The following LAMB4 variants were observed in gnomAD, a reference collection of about 807,000 sequenced individuals.
LAMB4 encodes the protein laminin subunit beta 4.
LAMB4 carries 196 observed loss-of-function variants against 199.2 expected under a neutral mutation model. The ratio of observed to expected loss-of-function variants is 0.98; its 90% CI spans 0.88 to 1.11. The LOEUF (loss-of-function observed/expected upper bound fraction) is 1.11. LAMB4 is among the 50% of genes least tolerant of loss of function. The pLI is 0.00. For synonymous variants in LAMB4, 744 were observed against 770.6 expected, an observed-to-expected ratio of 0.97 and a Z score of 0.57; for missense variants, 2,080 against 2,171.2, an observed-to-expected ratio of 0.96 and a Z score of 0.83.
chr7:108,072,532 A>G (rs1225239415), intron 17 of LAMB4, among the ~76,000 whole-genome samples: 1 of 152,172 alleles, frequency 6.6e-6, no homozygotes, highest in Non-Finnish European at 1.5e-5. Context: ...TAAAAGTTAA[A>G]AAAGGGGGCA....
chr7:108,017,080 CTG>C, the LAMB4 span, among the ~76,000 whole-genome samples: 24,487 of 152,112 alleles, frequency 0.16, 2,324 homozygotes, highest in East Asian at 0.27. Context: ...GAAGAAAACA[CTG>C]TATCTCTGCT....
At chr7:108,032,267 G>A (rs943078898) in intron 31 of LAMB4, among the ~76,000 whole-genome samples, 5 of 152,194 alleles carry the variant, frequency 3.3e-5, no homozygotes, top group African/African-American at 9.6e-5. Context: ...GTACGCACCT[G>A]TAATCCCAGC....
intron 29 of LAMB4, among the ~76,000 whole-genome samples, chr7:108,043,039 C>A (rs2035478414): frequency 6.8e-6 from 1 of 146,810 alleles, no homozygotes; most frequent in African/African-American, 2.5e-5. Context: ...TTTTTTTAAT[C>A]TTTACTAATT....
intron 6 of LAMB4, among the ~76,000 whole-genome samples, chr7:108,107,074 A>C (rs954936000): frequency 1.3e-5 from 2 of 152,210 alleles, no homozygotes; most frequent in African/African-American, 2.4e-5. Flanking sequence ...AAGAGTGCTT[A>C]TGCTGGGTTG....
At chr7:108,037,645 T>C in intron 29 of LAMB4, 50 bp from the exon 30 acceptor site, 5 of 1,382,352 alleles carry the variant, frequency 3.6e-6, no homozygotes, top group Non-Finnish European at 5.1e-6. Context: ...TAACAAACAC[T>C]GTATCTTAAA....
At chr7:108,039,879 A>T (rs1265371276) in intron 29 of LAMB4, among the ~76,000 whole-genome samples, 1 of 152,092 alleles carries the variant, frequency 6.6e-6, no homozygotes, top group East Asian at 1.9e-4. Flanking sequence ...CTCTCTTACC[A>T]CTCCTGTTCA....
chr7:108,069,657 C>T, intron 18 of LAMB4, 51 bp downstream of exon 18: 2 of 1,530,318 alleles, frequency 1.3e-6, no homozygotes, highest in Non-Finnish European at 8.9e-7. Flanking sequence ...CTCCAAAAAG[C>T]ATTTGTATGG....
chr7:108,092,855 G>A (rs559157633), intron 12 of LAMB4, among the ~76,000 whole-genome samples: 1 of 152,088 alleles, frequency 6.6e-6, no homozygotes, highest in African/African-American at 2.4e-5. Context: ...AGTGAGCTGA[G>A]ATCGTGCCAC....
In LAMB4 at chr7:108,055,705, C is replaced by G. The variant is rs184588441; in HGVS notation, c.3682G>C (p.Glu1228Gln). ...KDLRGNVSEI[E>Q]RILKHPVFPS... ...AAAACAGGATGTTTCAAAATCCTTT[C>G]TATTTCAGACACGTTCCCTCTGAGG... The change falls in exon 25 of 34, where the codon GAA (glutamate) becomes CAA (glutamine). Residue 1228 changes from glutamate to glutamine, a missense_variant. Glu to Gln is a conservative substitution (Grantham distance 29). Transcript: ENST00000388781. 9.9e-6 allele frequency: 16 copies of G among 1,614,084 alleles called. 1 individual carries two copies. The East Asian group carries it at 3.3e-4, about 34-fold the overall frequency.
chr7:108,095,987 G>A (rs146313903), intron 11 of LAMB4, among the ~76,000 whole-genome samples: 67 of 152,300 alleles, frequency 4.4e-4, no homozygotes, highest in African/African-American at 1.5e-3. Context: ...AATAAAGACC[G>A]ATGTAATCTG....
chr7:108,097,924 T>G (rs1489478860), intron 11 of LAMB4, among the ~76,000 whole-genome samples: 1 of 152,208 alleles, frequency 6.6e-6, no homozygotes, highest in Non-Finnish European at 1.5e-5. Flanking sequence ...CTGCTGGTCC[T>G]TTATGATAAA....
chr7:108,052,183 C>T lies in LAMB4; in HGVS notation c.3830G>A (p.Arg1277Lys). Residue 1277 changes from arginine to lysine, a missense_variant, in exon 26 of 34, where the codon AGA becomes AAA. By Grantham distance (26) the Arg-to-Lys change is conservative. Coordinates refer to ENST00000388781, the MANE Select transcript of LAMB4 (RefSeq NM_007356.3). ...TAAGAGGTCTGCTTCATTCTTTGCTCTTTCTATTGTATCTTTCAGATCTTG... is the reference window on the plus strand; with the variant it reads ...TAAGAGGTCTGCTTCATTCTTTGCTTTTTCTATTGTATCTTTCAGATCTTG... ...EFQDLKDTIE[R>K]AKNEADLLLE... 4 of 1,612,412 alleles carry T rather than the reference C, an allele frequency of 2.5e-6. No homozygotes were observed. The highest frequency in any genetic ancestry group is 3.4e-6 in the Non-Finnish European group (4 of 1,179,174).
At position 108,065,893 on chromosome 7, in the gene LAMB4, G is replaced by A. The variant is rs768639875; in HGVS notation, c.2705C>T (p.Pro902Leu). 28 of 1,613,788 alleles carry A rather than the reference G, an allele frequency of 1.7e-5. No homozygotes were observed. The highest frequency in any genetic ancestry group is 2.3e-5 in the Non-Finnish European group (27 of 1,179,966). ...ERCIDGYYGN[P>L]SSGQPCRPCL... The stretch of plus-strand genomic sequence containing the variant: ...AGGACGACAGGGCTGTCCTGAAGAA[G>A]GATTTCCATAGTAACCATCAATACA... Residue 902 changes from proline (P) to leucine (L), a missense_variant, in exon 21 of 34, where the codon CCT (proline) becomes CTT (leucine). Transcript: ENST00000388781.
chr7:108,056,082 T>C (rs765679566), intron 24 of LAMB4, 75 bp from the exon 25 acceptor site: 36 of 1,382,516 alleles, frequency 2.6e-5, no homozygotes, highest in Admixed American at 4.5e-5. Context: ...ATCAGGTCTT[T>C]TCCTCTCTCC....
Position 108,104,549 on chromosome 7 carries a change from T to G in LAMB4, c.941A>C (p.Gln314Pro). ...PNCERCKDFF[Q>P]DAPWRPAADL... Reference sequence around the variant, plus strand: ...TGCAGCTGGCCTCCAAGGAGCATCCTGGAAGAAGTCCTTGCATCTCTCACA... The same window carrying G: ...TGCAGCTGGCCTCCAAGGAGCATCCGGGAAGAAGTCCTTGCATCTCTCACA... The change falls in exon 9 of 34, where the codon CAG becomes CCG. Residue 314 changes from glutamine to proline, a missense_variant. By Grantham distance (76) the Gln-to-Pro change is moderately conservative. Coordinates refer to ENST00000388781, the MANE Select transcript of LAMB4 (RefSeq NM_007356.3). 1 of 1,614,244 alleles carries G rather than the reference T, an allele frequency of 6.2e-7. No individual in the cohort carries two copies. The highest frequency in any genetic ancestry group is 1.1e-5 in the South Asian group (1 of 91,084).
chr7:108,029,125 C>T lies in LAMB4; in HGVS notation c.5064G>A (p.Glu1688=), dbSNP rs2150482630. The change falls in exon 33 of 34, where the codon GAG becomes GAA. Residue 1688 remains glutamate (E), a synonymous_variant. Coordinates refer to ENST00000388781, the MANE Select transcript of LAMB4 (RefSeq NM_007356.3). ...RKTSTTGLTK[E]TLGKVKQLKD... ...TTAGCTGTTTAACTTTTCCTAATGT[C>T]TCCTTTGTTAGTCCTGTAGTGCTTG... The T allele has an allele frequency of 6.2e-7, 1 of 1,614,088 alleles. No homozygotes were observed. Among genetic ancestry groups the T allele is most frequent in the East Asian group, 2.2e-5 (1 of 44,866 alleles).
At chr7:108,029,543 T>C in intron 32 of LAMB4, among the ~76,000 whole-genome samples, 1 of 152,210 alleles carries the variant, frequency 6.6e-6, no homozygotes, top group East Asian at 1.9e-4. Context: ...GACAAATCTC[T>C]GGTTCAGTTC....
At chr7:108,098,677 C>T in intron 10 of LAMB4, 95 bp from the exon 11 acceptor site, 1 of 1,044,790 alleles carries the variant, frequency 9.6e-7, no homozygotes, top group Non-Finnish European at 1.3e-6. Context: ...AACTATCTTG[C>T]TTTGTTTAAA....
chr7:108,066,288 T>A, intron 20 of LAMB4, 81 bp downstream of exon 20: 1 of 1,020,456 alleles, frequency 9.8e-7, no homozygotes, highest in Non-Finnish European at 1.5e-6. Flanking sequence ...TATTGTTGAG[T>A]CTCTACTCAA....
Sources: gnomAD v4.1 joint callset for allele counts (sites outside exome capture counted in the v4.1 genomes callset) on GRCh38, gnomAD v4.1.1 for gene constraint, MANE v1.5 for transcripts, NCBI Gene and HGNC (gene_info 2026-07-23, HGNC 2026-07-21) for gene names.